Variants in KIAA1755 observed in about 807,000 individuals in gnomAD.
KIAA1755 encodes the protein uncharacterized protein KIAA1755.
KIAA1755 carries 68 observed loss-of-function variants against 91.7 expected under a neutral mutation model. The observed-to-expected ratio is 0.74, with a 90% CI of 0.61 to 0.91. KIAA1755 has a LOEUF of 0.91. Among genes scored for constraint, KIAA1755 ranks in the 40% least tolerant of loss-of-function variants. KIAA1755 has a pLI of 0.00. For synonymous variants in KIAA1755, 610 were observed against 604.6 expected, an observed-to-expected ratio of 1.01 and a Z score of -0.13; for missense variants, 1,535 against 1,494.4, an observed-to-expected ratio of 1.03 and a Z score of -0.45.
At chr20:38,235,252 C>T (rs1185293689) in intron 4 of KIAA1755, among the ~76,000 whole-genome samples, 1 of 152,174 alleles carries the variant, frequency 6.6e-6, no homozygotes, top group Non-Finnish European at 1.5e-5. Context: ...ATCTCAGGGG[C>T]TCTGTTCATT....
rs201642163 is a variant in KIAA1755 at position 38,223,627 on chromosome 20, G to A, written c.2179C>T (p.Pro727Ser). The change falls in exon 9 of 14, where the codon CCT becomes TCT. Residue 727 changes from proline (P) to serine (S), a missense_variant. Coordinates refer to ENST00000279024, the MANE Select transcript of KIAA1755 (RefSeq NM_001029864.2). ...GCCTGGTGGAGGTCAGCAAGGAAAG[G>A]GTCCAGCTTCTGCAGGACAGAGGAC... ...EWVHFFQKLD[P>S]FLADLHQASS... 2.5e-6 allele frequency: 4 copies of A among 1,605,408 alleles called. No individual in the cohort carries two copies. The highest frequency in any genetic ancestry group is 1.3e-5 in the African/African-American group (1 of 74,352).
intron 8 of KIAA1755, 95 bp downstream of exon 8, chr20:38,225,570 T>C: frequency 1.2e-6 from 1 of 839,066 alleles, no homozygotes; most frequent in East Asian, 2.4e-5. Flanking sequence ...GTTTATTTTT[T>C]AGCATAGCAG....
chr20:38,240,467 C>T lies in KIAA1755; in HGVS notation c.1549+115G>A, dbSNP rs891858270. ...TTAACATGCCACACTGTATACTAAACCCCTGAAGCTGAGCCAGCCCAGGTG... is the reference window on the plus strand; with the variant it reads ...TTAACATGCCACACTGTATACTAAATCCCTGAAGCTGAGCCAGCCCAGGTG... On this transcript the variant is annotated intron_variant, in intron 3 of 13. Transcript: ENST00000279024. The T allele has an allele frequency of 8.4e-6, 9 of 1,076,988 alleles. No homozygotes were observed. The Admixed American group carries it at 2.5e-4, about 29-fold the overall frequency. The allele number at this position is 1,076,988 out of a possible 1,614,324, so 66.7% of individuals were successfully genotyped here.
Position 38,246,041 on chromosome 20 carries a change from C to T in KIAA1755, c.89G>A (p.Gly30Asp), listed in dbSNP as rs1482028449. The change falls in exon 2 of 14, where the codon GGT (glycine) becomes GAT (aspartate). Residue 30 changes from glycine to aspartate, a missense_variant. Transcript: ENST00000279024. ...PFEATAPTVL[G>D]QVFRLLDSGF... Reference sequence around the variant, plus strand: ...AGAGTCCAGGAGACGGAACACCTGACCCAGGACGGTGGGTGCTGTGGCCTC... The same window carrying T: ...AGAGTCCAGGAGACGGAACACCTGATCCAGGACGGTGGGTGCTGTGGCCTC... 21 of 1,614,192 alleles carry T rather than the reference C, an allele frequency of 1.3e-5. 1 individual carries two copies. Among genetic ancestry groups the T allele is most frequent in the Non-Finnish European group, 1.8e-5 (21 of 1,180,036 alleles).
In KIAA1755 at chr20:38,218,011, A is replaced by AT; in HGVS notation, c.2679+232dup. On this transcript the variant is annotated intron_variant, in intron 12 of 13. Transcript: ENST00000279024. The stretch of plus-strand genomic sequence containing the variant: ...TCTAGGATGGGGCCCTGGAAACTGC[A>AT]TTTTAAGAAACCCTCTGGGGGATTC... The AT allele has an allele frequency of 1.0e-5, 6 of 580,956 alleles. No individual in the cohort carries two copies. The South Asian group carries it at 1.3e-4, about 12-fold the overall frequency. The allele number at this position is 580,956 out of a possible 1,614,324, so 36.0% of individuals were successfully genotyped here.
At chr20:38,238,198 G>A (rs1410586401) in intron 4 of KIAA1755, among the ~76,000 whole-genome samples, 1 of 152,126 alleles carries the variant, frequency 6.6e-6, no homozygotes, top group East Asian at 1.9e-4. Context: ...TGAGCCCTTG[G>A]CCCATGATGG....
At chr20:38,222,817 C>T in intron 9 of KIAA1755, 1 of 608,584 alleles carries the variant, frequency 1.6e-6, no homozygotes, top group Non-Finnish European at 3.0e-6. Flanking sequence ...TGCTGGGACA[C>T]CCATTCCAGC....
chr20:38,228,041 G>C (rs2075791746), intron 6 of KIAA1755, 106 bp downstream of exon 6: 1 of 691,114 alleles, frequency 1.4e-6, no homozygotes. Context: ...GTCCCTGCCT[G>C]AGAGTCCTGG....
intron 4 of KIAA1755, among the ~76,000 whole-genome samples, chr20:38,237,949 A>T (rs772050719): frequency 2.0e-5 from 3 of 152,154 alleles, no homozygotes; most frequent in Non-Finnish European, 2.9e-5. Flanking sequence ...TTTTGCACAC[A>T]TGCTACACAT....
intron 8 of KIAA1755, 38 bp from the exon 9 acceptor site, chr20:38,223,674 G>A: frequency 6.5e-7 from 1 of 1,527,714 alleles, no homozygotes; most frequent in African/African-American, 1.4e-5. Flanking sequence ...TGTCAGCCCA[G>A]GCCAACCAGG....
intron 9 of KIAA1755, chr20:38,222,927 T>C (rs2075688418): frequency 5.1e-6 from 2 of 392,398 alleles, no homozygotes; most frequent in Admixed American, 8.1e-5. Context: ...TAACCCCTGG[T>C]TTAAAACTCT....
At chr20:38,246,982 C>G (rs1415195209) in intron 1 of KIAA1755, among the ~76,000 whole-genome samples, 1 of 152,200 alleles carries the variant, frequency 6.6e-6, no homozygotes, top group Admixed American at 6.5e-5. Flanking sequence ...CTGCCCCCGC[C>G]CTGATCCAGG....
chr20:38,249,100 T>C (rs1477266738), intron 1 of KIAA1755, among the ~76,000 whole-genome samples: 1 of 152,146 alleles, frequency 6.6e-6, no homozygotes, highest in African/African-American at 2.4e-5. Context: ...GGTCTTGAAC[T>C]CCTGAGCTCA....
At chr20:38,251,859 C>T (rs567488208) in intron 1 of KIAA1755, among the ~76,000 whole-genome samples, 2 of 152,262 alleles carry the variant, frequency 1.3e-5, no homozygotes, top group East Asian at 3.9e-4. Context: ...AGACACTGTG[C>T]CTGGCCCCAT....
intron 2 of KIAA1755, among the ~76,000 whole-genome samples, chr20:38,245,355 G>T (rs969492628): frequency 1.3e-5 from 2 of 152,212 alleles, no homozygotes; most frequent in African/African-American, 4.8e-5. Flanking sequence ...CAAGGGATTT[G>T]ATCAGTGGAT....
chr20:38,223,694 C>A, intron 8 of KIAA1755, 58 bp from the exon 9 acceptor site: 1 of 1,334,756 alleles, frequency 7.5e-7, no homozygotes, highest in South Asian at 1.3e-5. Context: ...GAGGATGCCT[C>A]TTGCATCTCA....
At chr20:38,251,949 T>C (rs1207268054) in intron 1 of KIAA1755, among the ~76,000 whole-genome samples, 1 of 152,188 alleles carries the variant, frequency 6.6e-6, no homozygotes, top group Non-Finnish European at 1.5e-5. Flanking sequence ...AACCTATGTA[T>C]GAGCCCCTGT....
chr20:38,258,978 G>T (rs772847995), intron 1 of KIAA1755, among the ~76,000 whole-genome samples: 1 of 152,168 alleles, frequency 6.6e-6, no homozygotes, highest in Admixed American at 6.5e-5. Context: ...CCAGGTGCAC[G>T]CTGTGGCCCT....
At position 38,231,271 on chromosome 20, in the gene KIAA1755, G is replaced by T; in HGVS notation, c.1802C>A (p.Ala601Asp). ...AACTGTGCACCATGGTGCCTCCCAGGCCCCCTCTGTAGTTGACACCAGAAG... is the reference window on the plus strand; with the variant it reads ...AACTGTGCACCATGGTGCCTCCCAGTCCCCCTCTGTAGTTGACACCAGAAG... ...PLLLVSTTEG[A>D]WEAPWCTVSE... Residue 601 changes from alanine (A) to aspartate (D), a missense_variant, in exon 5 of 14, where the codon GCC (alanine) becomes GAC (aspartate). By Grantham distance (126) the Ala-to-Asp change is moderately radical (BLOSUM62 -2). Coordinates refer to ENST00000279024, the MANE Select transcript of KIAA1755 (RefSeq NM_001029864.2). 6.2e-7 allele frequency: 1 copy of T among 1,612,676 alleles called. No individual in the cohort carries two copies. The highest frequency in any genetic ancestry group is 1.1e-5 in the South Asian group (1 of 90,774).
Sources: gnomAD v4.1 joint callset for allele counts (sites outside exome capture counted in the v4.1 genomes callset) on GRCh38, gnomAD v4.1.1 for gene constraint, MANE v1.5 for transcripts, NCBI Gene and HGNC (gene_info 2026-07-23, HGNC 2026-07-21) for gene names.